DCLK1: variants seen among roughly 807,000 people sequenced by gnomAD.
DCLK1 encodes doublecortin like kinase 1.
In DCLK1, 16 loss-of-function variants were observed where a neutral mutation model predicts 86.2. The ratio of observed to expected loss-of-function variants is 0.19; its 90% CI spans 0.13 to 0.28. DCLK1 has a LOEUF of 0.28. DCLK1 is among the 10% of genes least tolerant of loss of function. The probability of loss-of-function intolerance (pLI) is 1.00; values close to 1 mark genes in which losing one functional copy is unlikely to be tolerated. For synonymous variants in DCLK1, 369 were observed against 370.5 expected (o/e 1.00, Z 0.05); for missense variants, 590 against 940.2 (o/e 0.63, Z 4.87).
intron 3 of DCLK1, among the ~76,000 whole-genome samples, chr13:36,089,783 G>A (rs1316854511): frequency 6.6e-6 from 1 of 152,050 alleles, no homozygotes; most frequent in East Asian, 1.9e-4. Flanking sequence ...ACAAAATCTT[G>A]TTTCCTTTGG....
intron 1 of DCLK1, among the ~76,000 whole-genome samples, chr13:36,130,901 C>T (rs1886340434): frequency 6.6e-6 from 1 of 152,150 alleles, no homozygotes; most frequent in Non-Finnish European, 1.5e-5. Flanking sequence ...GTGCCAGCAG[C>T]CCCGGGGCCG....
chr13:36,113,270 T>C (rs1885674133), intron 2 of DCLK1, among the ~76,000 whole-genome samples: 1 of 152,170 alleles, frequency 6.6e-6, no homozygotes, highest in South Asian at 2.1e-4. Flanking sequence ...CACATAAAAA[T>C]AACTGAAGCA....
chr13:36,004,299 T>C (rs1477916070), intron 3 of DCLK1, among the ~76,000 whole-genome samples: 1 of 152,080 alleles, frequency 6.6e-6, no homozygotes, highest in African/African-American at 2.4e-5. Flanking sequence ...CTTTAAAAAT[T>C]ACAAAAACAA....
intron 4 of DCLK1, among the ~76,000 whole-genome samples, chr13:35,917,010 G>A (rs1875457049): frequency 1.3e-5 from 2 of 152,102 alleles, no homozygotes; most frequent in African/African-American, 4.8e-5. Flanking sequence ...CATCATTATC[G>A]CTGAAGACAC....
At chr13:36,055,082 T>A (rs879895925) in intron 3 of DCLK1, among the ~76,000 whole-genome samples, 6 of 152,114 alleles carry the variant, frequency 3.9e-5, no homozygotes, top group Non-Finnish European at 5.9e-5. Flanking sequence ...GGTCACTGGG[T>A]TCGCTGAAAA....
chr13:35,791,085 T>C (rs1033865943), intron 16 of DCLK1, among the ~76,000 whole-genome samples: 4 of 152,186 alleles, frequency 2.6e-5, no homozygotes, highest in Non-Finnish European at 5.9e-5. Context: ...GTGCCTCATG[T>C]ACATAGTATG....
chr13:35,855,915 C>G, intron 5 of DCLK1: 1 of 994,324 alleles, frequency 1.0e-6, no homozygotes. Flanking sequence ...ATGACAATAA[C>G]TCTTCTAAAG....
intron 7 of DCLK1, among the ~76,000 whole-genome samples, chr13:35,836,625 C>T (rs776866932): frequency 6.6e-6 from 1 of 152,156 alleles, no homozygotes. Context: ...TGGAAATCTC[C>T]GTAAAATTCC....
Position 36,100,179 on chromosome 13 carries a change from C to CAAAA in DCLK1, c.723+11686_723+11689dup, listed in dbSNP as rs58824322. ...ACAACAGGGCAAAACCCTGTCTCTA[C>CAAAA]AAAAAAAAAAAAAAAAAAAAAAAAA... On this transcript the variant is annotated intron_variant, in intron 3 of 16. Transcript: ENST00000360631. Among the ~76,000 whole-genome samples, 134 of 37,692 alleles carry CAAAA rather than the reference C, an allele frequency of 3.6e-3. 7 individuals are homozygous for CAAAA. The highest frequency in any genetic ancestry group is 0.011 in the African/African-American group (96 of 9,032). 24.7% of individuals were successfully genotyped at this position (37,692 alleles called of 152,430 possible). A position where few individuals can be genotyped will look rare whatever the true frequency, so the allele number is the denominator to read the frequency against.
chr13:35,908,580 C>T lies in DCLK1; in HGVS notation c.824-37240G>A, dbSNP rs2153124110. Among the ~76,000 whole-genome samples, 2 of 152,228 alleles carry T rather than the reference C, an allele frequency of 1.3e-5. 1 individual carries two copies. The highest frequency in any genetic ancestry group is 3.9e-4 in the East Asian group (2 of 5,188). On this transcript the variant is annotated intron_variant, in intron 4 of 16. Transcript: ENST00000360631. Reference sequence around the variant, plus strand: ...TTCATTTTACTTTATTTATTTGAAACAGGGTCTCAGTCTATCACCCAGCTC... The same window carrying T: ...TTCATTTTACTTTATTTATTTGAAATAGGGTCTCAGTCTATCACCCAGCTC...
intron 3 of DCLK1, among the ~76,000 whole-genome samples, chr13:35,957,869 T>A (rs1753994712): frequency 4.3e-5 from 1 of 23,528 alleles, no homozygotes; most frequent in South Asian, 1.2e-3. Flanking sequence ...ACAACAACAA[T>A]CCCACAAAGC....
intron 3 of DCLK1, among the ~76,000 whole-genome samples, chr13:35,991,082 G>A (rs7989230): frequency 0.36 from 54,868 of 151,812 alleles, 11,052 homozygotes; most frequent in Non-Finnish European, 0.44. Context: ...AAATGGGATG[G>A]TCACTCTCAT....
intron 4 of DCLK1, among the ~76,000 whole-genome samples, chr13:35,941,436 G>T (rs1205313904): frequency 6.6e-6 from 1 of 152,178 alleles, no homozygotes; most frequent in Non-Finnish European, 1.5e-5. Flanking sequence ...CATAAGAGAA[G>T]CTGAGGAAAT....
chr13:36,028,769 A>G (rs1018947500), intron 3 of DCLK1, among the ~76,000 whole-genome samples: 2 of 152,208 alleles, frequency 1.3e-5, no homozygotes, highest in Non-Finnish European at 2.9e-5. Context: ...CAAAACCAAG[A>G]TGGCAATGGA....
rs538680039 is a variant in DCLK1 at position 35,919,715 on chromosome 13, C to T, written c.823+27643G>A. 2.0e-5 allele frequency among the ~76,000 whole-genome samples: 3 copies of T among 152,024 alleles called. No homozygotes were observed. The East Asian group carries it at 5.8e-4, about 29-fold the overall frequency. On this transcript the variant is annotated intron_variant, in intron 4 of 16. Transcript: ENST00000360631. The stretch of plus-strand genomic sequence containing the variant: ...GTGGCTCATGCCTATAATTCCAGCA[C>T]TTTAGGAGGCTGAGGCAGGAGGATT...
chr13:35,977,580 G>T (rs1326622946), intron 3 of DCLK1, among the ~76,000 whole-genome samples: 1 of 150,644 alleles, frequency 6.6e-6, no homozygotes, highest in Admixed American at 6.6e-5. Flanking sequence ...ATTCTGATGG[G>T]TCTAATGGGC....
Position 35,838,072 on chromosome 13 carries a change from AAAAAG to A in DCLK1, c.1120+1015_1120+1019del, listed in dbSNP as rs532082938. Among the ~76,000 whole-genome samples the A allele has an allele frequency of 4.0e-5, 6 of 149,928 alleles. No homozygotes were observed. In the East Asian group the frequency reaches 5.8e-4, roughly 15 times the overall value. On this transcript the variant is annotated intron_variant, in intron 7 of 16. Transcript: ENST00000360631. ...CAGAGCGAGACTCCATCTCAAAAAA[AAAAAG>A]AAAAGAAAAGAAAAGAAAAAAAAGG...
intron 3 of DCLK1, among the ~76,000 whole-genome samples, chr13:35,976,280 C>T (rs1287291162): frequency 6.6e-6 from 1 of 152,028 alleles, no homozygotes; most frequent in East Asian, 1.9e-4. Flanking sequence ...GCACGTGATG[C>T]TACAGAGAGA....
chr13:35,817,885 T>G (rs1024867571), intron 11 of DCLK1, among the ~76,000 whole-genome samples: 3 of 152,192 alleles, frequency 2.0e-5, no homozygotes, highest in Non-Finnish European at 2.9e-5. Flanking sequence ...CCATTACTGT[T>G]TCTGAAATTG....
Sources: allele counts gnomAD v4.1 joint callset (sites outside exome capture counted in the v4.1 genomes callset), GRCh38; gene constraint gnomAD v4.1.1; transcripts MANE v1.5; gene names NCBI Gene and HGNC (gene_info 2026-07-23, HGNC 2026-07-21).